Variants in FBXL17 observed in about 807,000 individuals in gnomAD.
FBXL17 encodes F-box/LRR-repeat protein 17.
A neutral mutation model predicts 66.2 loss-of-function variants in FBXL17; 22 were observed. That is an observed-to-expected ratio of 0.33 (90% CI 0.24 to 0.47). The LOEUF is 0.47. FBXL17 is among the 20% of genes least tolerant of loss of function. FBXL17 has a pLI of 1.00. For synonymous variants in FBXL17, 474 were observed against 400.5 expected, an observed-to-expected ratio of 1.18 and a Z score of -2.19; for missense variants, 878 against 948.2, an observed-to-expected ratio of 0.93 and a Z score of 0.97.
At chr5:107,935,856 A>G (rs907019282) in intron 7 of FBXL17, among the ~76,000 whole-genome samples, 2 of 152,104 alleles carry the variant, frequency 1.3e-5, no homozygotes, top group Admixed American at 1.3e-4. Context: ...CACCATAGCA[A>G]CCTGAAAGGG....
chr5:108,223,825 T>C (rs1754977554), intron 5 of FBXL17, among the ~76,000 whole-genome samples: 1 of 142,640 alleles, frequency 7.0e-6, no homozygotes, highest in Non-Finnish European at 1.5e-5. Context: ...TTCAACCAAA[T>C]ATCTTCTAAG....
At chr5:107,888,603 A>G (rs1018987051) in intron 7 of FBXL17, among the ~76,000 whole-genome samples, 3 of 152,148 alleles carry the variant, frequency 2.0e-5, no homozygotes, top group African/African-American at 7.2e-5. Context: ...CTTTATATAG[A>G]GTCAAACACC....
At chr5:108,195,290 G>C (rs1311518984) in intron 5 of FBXL17, among the ~76,000 whole-genome samples, 1 of 152,090 alleles carries the variant, frequency 6.6e-6, no homozygotes, top group Non-Finnish European at 1.5e-5. Context: ...AGGCAGTCAA[G>C]GATGATCTTA....
chr5:108,154,655 G>GTGTATA (rs1751917040), intron 6 of FBXL17, among the ~76,000 whole-genome samples: 1 of 102,352 alleles, frequency 9.8e-6, no homozygotes, highest in African/African-American at 3.6e-5. Flanking sequence ...ACACATATAT[G>GTGTATA]TATATACATA....
chr5:108,073,825 C>T (rs1482261397), intron 6 of FBXL17, among the ~76,000 whole-genome samples: 1 of 152,052 alleles, frequency 6.6e-6, no homozygotes, highest in Non-Finnish European at 1.5e-5. Flanking sequence ...GCTCCCTTTC[C>T]ACCTTCTGCC....
intron 8 of FBXL17, among the ~76,000 whole-genome samples, chr5:107,868,936 A>AC (rs2112484699): frequency 6.6e-6 from 1 of 152,250 alleles, no homozygotes; most frequent in Admixed American, 6.5e-5. Flanking sequence ...TGTTTCTCCC[A>AC]CCCCATCCAA....
intron 4 of FBXL17, among the ~76,000 whole-genome samples, chr5:108,251,295 T>C (rs1756339741): frequency 6.6e-6 from 1 of 152,022 alleles, no homozygotes; most frequent in South Asian, 2.1e-4. Flanking sequence ...AATACCTCAA[T>C]GAGGTTTTTG....
chr5:108,133,841 T>C (rs12655475), intron 6 of FBXL17, among the ~76,000 whole-genome samples: 18,623 of 152,112 alleles, frequency 0.12, 1,350 homozygotes, highest in East Asian at 0.16. Flanking sequence ...TCTGTAAAAA[T>C]GAGTCAAATG....
chr5:108,045,842 A>C (rs1747233337), intron 6 of FBXL17, among the ~76,000 whole-genome samples: 1 of 152,166 alleles, frequency 6.6e-6, no homozygotes, highest in Non-Finnish European at 1.5e-5. Flanking sequence ...ATATGATTTT[A>C]ATTCTTTTAA....
intron 4 of FBXL17, among the ~76,000 whole-genome samples, chr5:108,345,340 A>G (rs1747202011): frequency 6.6e-6 from 1 of 151,638 alleles, no homozygotes; most frequent in African/African-American, 2.4e-5. Flanking sequence ...CCATCTCAAA[A>G]AGAAAAAAAA....
At chr5:108,163,876 CTCTT>C (rs1170491777) in intron 6 of FBXL17, among the ~76,000 whole-genome samples, 10 of 152,292 alleles carry the variant, frequency 6.6e-5, no homozygotes, top group Non-Finnish European at 1.2e-4. Context: ...AAATACTGCT[CTCTT>C]TAATTTCAGA....
chr5:107,990,042 A>G (rs1753177403), intron 7 of FBXL17, among the ~76,000 whole-genome samples: 1 of 152,144 alleles, frequency 6.6e-6, no homozygotes, highest in Admixed American at 6.5e-5. Context: ...ATTCTGGGAT[A>G]GTAACTGAGC....
chr5:108,221,371 G>C (rs1055616710), intron 5 of FBXL17, among the ~76,000 whole-genome samples: 9 of 152,002 alleles, frequency 5.9e-5, no homozygotes, highest in African/African-American at 9.7e-5. Flanking sequence ...TTCCATGAGA[G>C]CCCCTAACAG....
At chr5:107,889,867 T>C (rs1471645087) in intron 7 of FBXL17, among the ~76,000 whole-genome samples, 1 of 152,200 alleles carries the variant, frequency 6.6e-6, no homozygotes, top group Non-Finnish European at 1.5e-5. Context: ...ATTCCTATCA[T>C]GTGACTTCCA....
intron 5 of FBXL17, among the ~76,000 whole-genome samples, chr5:108,217,818 G>A (rs1046864133): frequency 6.6e-6 from 1 of 151,864 alleles, no homozygotes; most frequent in African/African-American, 2.4e-5. Context: ...ATTCTAATCT[G>A]ATTCTATGAG....
intron 5 of FBXL17, among the ~76,000 whole-genome samples, chr5:108,217,841 A>G (rs1350236109): frequency 6.6e-6 from 1 of 152,032 alleles, no homozygotes; most frequent in Non-Finnish European, 1.5e-5. Context: ...TGACTTTGTT[A>G]GATTCCACAT....
chr5:107,980,533 A>C (rs925544423), intron 7 of FBXL17, among the ~76,000 whole-genome samples: 2 of 148,100 alleles, frequency 1.4e-5, no homozygotes, highest in African/African-American at 2.5e-5. Context: ...ACAAGGTTTC[A>C]CCATGTTGCC....
At chr5:108,364,283 T>C (rs892148606) in intron 3 of FBXL17, among the ~76,000 whole-genome samples, 16 of 152,070 alleles carry the variant, frequency 1.1e-4, no homozygotes, top group Non-Finnish European at 2.2e-4. Context: ...CCAGTTATTG[T>C]ACCAAATAGA....
intron 7 of FBXL17, among the ~76,000 whole-genome samples, chr5:107,976,738 G>C (rs1486381296): frequency 6.6e-6 from 1 of 151,976 alleles, no homozygotes; most frequent in African/African-American, 2.4e-5. Flanking sequence ...TCATGTTATA[G>C]AATCAATTGG....
Sources: allele counts gnomAD v4.1 joint callset (sites outside exome capture counted in the v4.1 genomes callset), GRCh38; gene constraint gnomAD v4.1.1; transcripts MANE v1.5; gene names NCBI Gene and HGNC (gene_info 2026-07-23, HGNC 2026-07-21).